PDE10A: variants seen among roughly 807,000 people sequenced by gnomAD.
The protein encoded by PDE10A is cAMP and cAMP-inhibited cGMP 3',5'-cyclic phosphodiesterase 10A.
In PDE10A, 39 loss-of-function variants were observed where a neutral mutation model predicts 97.7. That is an observed-to-expected ratio of 0.40 (90% confidence interval 0.31 to 0.52). The LOEUF (loss-of-function observed/expected upper bound fraction) is 0.52, where lower values mean the gene tolerates loss of function less well. PDE10A is among the 20% of genes least tolerant of loss of function. The probability of loss-of-function intolerance (pLI) is 0.56; values close to 1 mark genes in which losing one functional copy is unlikely to be tolerated. For synonymous variants in PDE10A, 371 were observed against 376.8 expected, an observed-to-expected ratio of 0.98 and a Z score of 0.18; for missense variants, 731 against 1,047.8, an observed-to-expected ratio of 0.70 and a Z score of 4.17.
chr6:165,966,302 C>A (rs1186104245), intron 1 of PDE10A, among the ~76,000 whole-genome samples: 5 of 152,210 alleles, frequency 3.3e-5, no homozygotes, highest in Admixed American at 3.3e-4. Flanking sequence ...ATGCTCTTCA[C>A]AGAGAGAGCA....
chr6:165,455,454 T>C (rs569999006), intron 3 of PDE10A, among the ~76,000 whole-genome samples: 11 of 152,328 alleles, frequency 7.2e-5, no homozygotes, highest in African/African-American at 2.6e-4. Context: ...TGGAGAAATC[T>C]GAGGGAAGAG....
intron 1 of PDE10A, among the ~76,000 whole-genome samples, chr6:165,589,060 A>G (rs1786092514): frequency 6.6e-6 from 1 of 152,230 alleles, no homozygotes; most frequent in South Asian, 2.1e-4. Flanking sequence ...TTTAACACAG[A>G]TTAATATATT....
intron 1 of PDE10A, among the ~76,000 whole-genome samples, chr6:165,985,333 G>T (rs959053994): frequency 6.6e-6 from 1 of 152,230 alleles, no homozygotes; most frequent in Non-Finnish European, 1.5e-5. Context: ...AATAACAGGT[G>T]TCTGCCTGGG....
chr6:165,851,972 G>A lies in PDE10A; in HGVS notation c.-615+135557C>T, dbSNP rs186833305. Among the ~76,000 whole-genome samples the A allele has an allele frequency of 2.0e-5, 3 of 152,248 alleles. No individual in the cohort carries two copies. In the East Asian group the frequency reaches 5.8e-4, roughly 29 times the overall value. ...TAGATATAGATATATAACAGGAATT[G>A]AGAAAAATAGATTCATATTAATAAG... is the stretch of plus-strand genomic sequence containing the variant. On this transcript the variant is annotated intron_variant, in intron 1 of 19. Transcript: ENST00000366882.
intron 17 of PDE10A, among the ~76,000 whole-genome samples, chr6:165,382,047 ATAG>A (rs1784968501): frequency 6.6e-6 from 1 of 152,198 alleles, no homozygotes. Flanking sequence ...CAAGCATGAA[ATAG>A]TAGACTTTTT....
At chr6:165,763,621 C>G (rs1260805022) in intron 1 of PDE10A, among the ~76,000 whole-genome samples, 1 of 152,194 alleles carries the variant, frequency 6.6e-6, no homozygotes, top group Non-Finnish European at 1.5e-5. Context: ...CTGTGCCCAG[C>G]CTTGAGATTC....
intron 1 of PDE10A, among the ~76,000 whole-genome samples, chr6:165,906,677 G>A (rs1782294864): frequency 6.6e-6 from 1 of 152,302 alleles, no homozygotes; most frequent in South Asian, 2.1e-4. Context: ...GCACACATGG[G>A]GAGGAAAAGG....
intron 1 of PDE10A, among the ~76,000 whole-genome samples, chr6:165,756,818 T>C (rs561525055): frequency 6.7e-6 from 1 of 149,268 alleles, no homozygotes; most frequent in African/African-American, 2.6e-5. Context: ...CATCAAATAC[T>C]TGAATTTTTT....
chr6:165,981,492 C>T (rs758834709), intron 1 of PDE10A, among the ~76,000 whole-genome samples: 11 of 152,124 alleles, frequency 7.2e-5, no homozygotes, highest in South Asian at 4.1e-4. Flanking sequence ...TTTCAGATGT[C>T]GGTCATTTTC....
chr6:165,396,398 T>C lies in PDE10A; in HGVS notation c.2138A>G (p.Tyr713Cys), dbSNP rs749233784. ...IYRVTMEKLS[Y>C]HSICTSEEWQ... ...CTCTTCTGAAGTACAAATGCTATGG[T>C]AGGACAGCTTTTCCATCGTTACCCG... Residue 713 changes from tyrosine (Y) to cysteine (C), a missense_variant, in exon 14 of 22, where the codon TAC (tyrosine) becomes TGC (cysteine). Transcript: ENST00000539869. The C allele has an allele frequency of 1.2e-6, 2 of 1,613,334 alleles. No individual in the cohort carries two copies. The highest frequency in any genetic ancestry group is 2.2e-5 in the East Asian group (1 of 44,842).
At chr6:165,468,705 C>T (rs989128167) in intron 3 of PDE10A, among the ~76,000 whole-genome samples, 2 of 152,222 alleles carry the variant, frequency 1.3e-5, no homozygotes, top group African/African-American at 4.8e-5. Context: ...AAATTATCAA[C>T]TTGTGAAAAC....
intron 1 of PDE10A, among the ~76,000 whole-genome samples, chr6:165,930,945 C>G (rs911604471): frequency 6.6e-6 from 1 of 152,156 alleles, no homozygotes; most frequent in Admixed American, 6.5e-5. Context: ...CTGAGGGAAC[C>G]GCAAGGAGAA....
intron 1 of PDE10A, among the ~76,000 whole-genome samples, chr6:165,749,386 TCA>T (rs1792935386): frequency 1.7e-4 from 1 of 5,848 alleles, no homozygotes; most frequent in Non-Finnish European, 4.6e-4. Flanking sequence ...ACCACCACCA[TCA>T]TCACCATTAC....
intron 1 of PDE10A, among the ~76,000 whole-genome samples, chr6:165,830,429 C>A (rs1342708507): frequency 1.3e-5 from 2 of 152,008 alleles, no homozygotes; most frequent in African/African-American, 4.8e-5. Flanking sequence ...CTTGCTGGTC[C>A]CTTCCGAAAT....
chr6:165,443,015 G>A (rs1045565005), intron 5 of PDE10A, among the ~76,000 whole-genome samples: 1 of 148,638 alleles, frequency 6.7e-6, no homozygotes, highest in Non-Finnish European at 1.5e-5. Context: ...AGGAGGTTGA[G>A]ACAGGAGAAC....
rs915594170 is a variant in PDE10A, at chr6:165,853,680, A to T, written c.-615+133849T>A. Among the ~76,000 whole-genome samples, 5 of 152,262 alleles carry T rather than the reference A, an allele frequency of 3.3e-5. No individual in the cohort carries two copies. The East Asian group carries it at 9.6e-4, about 29-fold the overall frequency. On this transcript the variant is annotated intron_variant, in intron 1 of 19. Transcript: ENST00000366882. The stretch of plus-strand genomic sequence containing the variant: ...TCGCTAATTTAACAGGTGATAGAAC[A>T]TAACACACAATGACATAAAAAACGA...
intron 1 of PDE10A, among the ~76,000 whole-genome samples, chr6:165,834,687 C>T (rs1161577782): frequency 1.3e-5 from 2 of 152,152 alleles, no homozygotes; most frequent in Non-Finnish European, 2.9e-5. Flanking sequence ...CGTGGCTGGT[C>T]TTGGCTCTGT....
At chr6:165,429,648 A>G (rs1032311993) in intron 9 of PDE10A, among the ~76,000 whole-genome samples, 2 of 152,090 alleles carry the variant, frequency 1.3e-5, no homozygotes, top group African/African-American at 4.8e-5. Context: ...ACATGACCCT[A>G]AAGTTACCAC....
At chr6:165,826,655 C>T (rs1324881622) in intron 1 of PDE10A, among the ~76,000 whole-genome samples, 1 of 152,080 alleles carries the variant, frequency 6.6e-6, no homozygotes, top group Non-Finnish European at 1.5e-5. Flanking sequence ...CCGAGGTACC[C>T]CCGTGTGTCT....
Sources: allele counts gnomAD v4.1 joint callset (sites outside exome capture counted in the v4.1 genomes callset), GRCh38; gene constraint gnomAD v4.1.1; transcripts MANE v1.5; gene names NCBI Gene and HGNC (gene_info 2026-07-23, HGNC 2026-07-21).